The following ZBED4 variants were observed in gnomAD, a reference collection of about 807,000 sequenced individuals.
ZBED4 encodes the protein zinc finger BED domain-containing protein 4.
In ZBED4, 4 loss-of-function variants were observed where a neutral mutation model predicts 15.5. That is an observed-to-expected ratio of 0.26 (90% CI 0.13 to 0.59). The LOEUF (loss-of-function observed/expected upper bound fraction) is 0.59. Ranked by LOEUF, ZBED4 falls within the 20% of genes least tolerant of loss-of-function variation. The pLI, the probability that ZBED4 is intolerant of heterozygous loss-of-function variation, is 0.90. For synonymous variants in ZBED4, 692 were observed against 608.5 expected (o/e 1.14, Z -2.02); for missense variants, 1,323 against 1,461.8 (o/e 0.91, Z 1.55).
intron 1 of ZBED4, among the ~76,000 whole-genome samples, chr22:49,860,700 G>A (rs370035809): frequency 1.3e-5 from 2 of 151,212 alleles, no homozygotes; most frequent in Non-Finnish European, 2.9e-5. Context: ...CAAATTTTAT[G>A]TACAAAATAA....
chr22:49,883,282 GGTTAAAATGTGTGATTT>G (rs1192775796), intron 1 of ZBED4, 35 bp from the exon 2 acceptor site: 1 of 160,640 alleles, frequency 6.2e-6, no homozygotes, highest in Non-Finnish European at 1.4e-5. Context: ...TGACGGTAGA[GGTTAAAATGTGTGATTT>G]AGTTCCATGC....
intron 1 of ZBED4, among the ~76,000 whole-genome samples, chr22:49,878,230 G>C (rs1259390082): frequency 1.3e-5 from 2 of 150,192 alleles, no homozygotes; most frequent in East Asian, 3.9e-4. Flanking sequence ...GTTTGAACCC[G>C]GGAGGCGGAG....
In ZBED4 at chr22:49,885,210, G is replaced by A; in HGVS notation, c.1548G>A (p.Leu516=). The A allele has an allele frequency of 1.2e-6, 2 of 1,613,860 alleles. No homozygotes were observed. The highest frequency in any genetic ancestry group is 1.7e-6 in the Non-Finnish European group (2 of 1,179,866). ...PEVVGSQKGF[L]GASLANSPYA... ...TTGTCGGGAGCCAGAAGGGCTTCCT[G>A]GGTGCAAGTCTGGCAAACTCTCCGT... Residue 516 remains leucine (L), a synonymous_variant, in exon 2 of 2, where the codon CTG becomes CTA. Transcript: ENST00000216268.
intron 1 of ZBED4, among the ~76,000 whole-genome samples, chr22:49,862,758 G>A (rs1181419626): frequency 7.8e-6 from 1 of 128,954 alleles, no homozygotes; most frequent in African/African-American, 2.9e-5. Flanking sequence ...CTGGAGTGCA[G>A]TGTCGTGATC....
chr22:49,867,368 C>T (rs190112642), intron 1 of ZBED4, among the ~76,000 whole-genome samples: 158 of 152,266 alleles, frequency 1.0e-3, no homozygotes, highest in African/African-American at 3.1e-3. Flanking sequence ...TGCCAGGCGG[C>T]GGTGGGAGCG....
intron 1 of ZBED4, among the ~76,000 whole-genome samples, chr22:49,873,729 C>A (rs1569160759): frequency 1.3e-5 from 2 of 152,176 alleles, no homozygotes; most frequent in Non-Finnish European, 2.9e-5. Context: ...CCTCATCACC[C>A]CCACCCTGCA....
chr22:49,855,902 T>C (rs942627289), intron 1 of ZBED4, among the ~76,000 whole-genome samples: 2 of 152,228 alleles, frequency 1.3e-5, no homozygotes, highest in African/African-American at 4.8e-5. Context: ...ATTGCTCTTA[T>C]TTACATTTGG....
In ZBED4 at chr22:49,874,672, C is replaced by CTTTTT. The variant is rs10636316; in HGVS notation, c.-329-8640_-329-8636dup. Among the ~76,000 whole-genome samples, 14 of 37,314 alleles carry CTTTTT rather than the reference C, an allele frequency of 3.8e-4. 4 individuals are homozygous for CTTTTT. The highest frequency in any genetic ancestry group is 8.8e-4 in the African/African-American group (8 of 9,124). The allele number at this position is 37,314 out of a possible 152,430, so 24.5% of individuals were successfully genotyped here. ...ACAGGCGTGAACCACCATGCCCAGC[C>CTTTTT]TTTTTTTTTTTTTTTTTTTTTTTTT... On this transcript the variant is annotated intron_variant, in intron 1 of 1. Coordinates refer to ENST00000216268, the MANE Select transcript of ZBED4 (RefSeq NM_014838.3).
chr22:49,884,645 T>A lies in ZBED4; in HGVS notation c.983T>A (p.Ile328Asn). 1 of 1,612,688 alleles carries A rather than the reference T, an allele frequency of 6.2e-7. No homozygotes were observed. The highest frequency in any genetic ancestry group is 1.1e-5 in the South Asian group (1 of 90,868). Reference protein sequence around the residue: ...NGKDLGTSCLIRHMWRAHRAI... With the variant: ...NGKDLGTSCLNRHMWRAHRAI... ...AAGGACCTGGGCACGAGCTGCCTCA[T>A]CAGGCACATGTGGAGGGCACACCGC... Residue 328 changes from isoleucine (I) to asparagine (N), a missense_variant, in exon 2 of 2, where the codon ATC becomes AAC. This residue lies in a region of ZBED4 where 13 missense variants were observed against 30.5 expected (regional missense o/e 0.43). Transcript: ENST00000216268.
At chr22:49,865,690 T>C (rs1415993081) in intron 1 of ZBED4, among the ~76,000 whole-genome samples, 1 of 151,846 alleles carries the variant, frequency 6.6e-6, no homozygotes, top group African/African-American at 2.4e-5. Context: ...ATGCTCACAT[T>C]GGGTCCTCAT....
intron 1 of ZBED4, among the ~76,000 whole-genome samples, chr22:49,862,235 A>G (rs1158226561): frequency 6.6e-6 from 1 of 152,224 alleles, no homozygotes; most frequent in South Asian, 2.1e-4. Context: ...AGCGGCCCCA[A>G]CGCTTCTGCC....
Position 49,886,299 on chromosome 22 carries a change from G to A in ZBED4, c.2637G>A (p.Leu879=). ...KLAELQREYA[L]PQHHLIQDVP... ...CCGAGCTGCAGAGGGAGTACGCGCT[G>A]CCTCAGCATCACCTCATCCAGGACG... Residue 879 remains leucine, a synonymous_variant, in exon 2 of 2, where the codon CTG becomes CTA. Transcript: ENST00000216268. The surrounding 1 kb of genome is among the most constrained non-coding windows in gnomAD (Gnocchi z 7.7). The A allele has an allele frequency of 2.0e-6, 3 of 1,524,260 alleles. No individual in the cohort carries two copies. The highest frequency in any genetic ancestry group is 4.5e-5 in the East Asian group (2 of 44,148). The allele number at this position is 1,524,260 out of a possible 1,614,324, so 94.4% of individuals were successfully genotyped here.
At chr22:49,866,301 C>A (rs1471216066) in intron 1 of ZBED4, among the ~76,000 whole-genome samples, 1 of 152,098 alleles carries the variant, frequency 6.6e-6, no homozygotes, top group African/African-American at 2.4e-5. Context: ...TCTGGGGTGG[C>A]TGTTCTGATT....
chr22:49,862,754 T>C (rs1256101288), intron 1 of ZBED4, among the ~76,000 whole-genome samples: 1 of 134,922 alleles, frequency 7.4e-6, no homozygotes, highest in East Asian at 2.3e-4. Context: ...CAGGCTGGAG[T>C]GCAGTGTCGT....
intron 1 of ZBED4, among the ~76,000 whole-genome samples, chr22:49,861,290 C>A (rs2236140): frequency 6.7e-6 from 1 of 149,424 alleles, no homozygotes; most frequent in Admixed American, 6.7e-5. Context: ...TACAGGCACC[C>A]GCCACCACGC....
At position 49,884,708 on chromosome 22, in the gene ZBED4, C is replaced by G. The variant is rs150475592; in HGVS notation, c.1046C>G (p.Pro349Arg). The part of the protein sequence containing the change: ...VLQENGGTGI[P>R]PLYSTPPTLL... ...CAGGAGAACGGGGGCACGGGCATCC[C>G]GCCACTGTACTCCACCCCTCCCACT... The change falls in exon 2 of 2, where the codon CCG becomes CGG. Residue 349 changes from proline (P) to arginine (R), a missense_variant. By Grantham distance (103) the Pro-to-Arg change is moderately radical. Around this residue, in one of 6 missense-constraint regions of ZBED4, gnomAD observed 429 missense variants for 397.9 expected, o/e 1.08. Transcript: ENST00000216268. 231 of 1,597,886 alleles carry G rather than the reference C, an allele frequency of 1.4e-4. No individual in the cohort carries two copies. The African/African-American group carries it at 2.9e-3, about 20-fold the overall frequency.
At chr22:49,882,635 G>A (rs2060415232) in intron 1 of ZBED4, among the ~76,000 whole-genome samples, 1 of 152,124 alleles carries the variant, frequency 6.6e-6, no homozygotes. Context: ...GCTCTCTCCT[G>A]TCTTTGTAAC....
Position 49,885,044 on chromosome 22 carries a change from T to C in ZBED4, c.1382T>C (p.Val461Ala), listed in dbSNP as rs2060430179. The C allele has an allele frequency of 1.2e-6, 2 of 1,611,926 alleles. No individual in the cohort carries two copies. ...GTCATGAAAAGACTGAAGTCGGAGG[T>C]CTGGCATCACTTCTCCCTGGCCCCC... Reference protein sequence around the residue: ...KKVMKRLKSEVWHHFSLAPMD... With the variant: ...KKVMKRLKSEAWHHFSLAPMD... Residue 461 changes from valine to alanine, a missense_variant, in exon 2 of 2, where the codon GTC becomes GCC. Coordinates refer to ENST00000216268, the MANE Select transcript of ZBED4 (RefSeq NM_014838.3).
intron 1 of ZBED4, among the ~76,000 whole-genome samples, chr22:49,867,922 G>A (rs961575500): frequency 1.3e-5 from 2 of 152,202 alleles, no homozygotes; most frequent in African/African-American, 4.8e-5. Context: ...CTGACACAAA[G>A]CCTGTTTTGT....
Sources: gnomAD v4.1 joint callset for allele counts (sites outside exome capture counted in the v4.1 genomes callset) on GRCh38, gnomAD v4.1.1 for gene constraint, gnomAD v4.1.1 regional missense constraint, Gnocchi (gnomAD v3.1) non-coding constraint, MANE v1.5 for transcripts, NCBI Gene and HGNC (gene_info 2026-07-23, HGNC 2026-07-21) for gene names.